Variants in PUDP observed in about 807,000 individuals in gnomAD.
The protein encoded by PUDP is pseudouridine 5'-phosphatase.
Under a neutral mutation model 9.4 loss-of-function variants are expected in PUDP, and 8 were observed. That is an observed-to-expected ratio of 0.85 (90% CI 0.50 to 1.53). PUDP has a LOEUF of 1.53. Ranked by LOEUF, PUDP falls within the 40% of genes most tolerant of loss-of-function variation. PUDP has a pLI of 0.00. For synonymous variants in PUDP, 99 were observed against 80.7 expected (o/e 1.23, Z -1.22); for missense variants, 188 against 189.7 (o/e 0.99, Z 0.05).
At chrX:6,761,571 A>G (rs1338392056) in intron 3 of PUDP, among the ~76,000 whole-genome samples, 1 of 112,270 alleles carries the variant, frequency 8.9e-6, no homozygotes, top group Non-Finnish European at 1.9e-5. Context: ...CTAGTCTTTA[A>G]AACAGTGCCC....
chrX:7,042,158 T>C (rs1929931427), intron 1 of PUDP, among the ~76,000 whole-genome samples: 1 of 109,370 alleles, frequency 9.1e-6, no homozygotes, highest in African/African-American at 3.3e-5. Flanking sequence ...CCCCTAAAGA[T>C]GTATATCTTC....
At chrX:6,739,174 A>G (rs1239767327) in intron 3 of PUDP, among the ~76,000 whole-genome samples, 1 of 111,778 alleles carries the variant, frequency 8.9e-6, no homozygotes, top group Non-Finnish European at 1.9e-5. Flanking sequence ...GTTGCGGTTG[A>G]ACACCAATGT....
chrX:6,742,966 A>G (rs911750650), intron 3 of PUDP, among the ~76,000 whole-genome samples: 1 of 112,020 alleles, frequency 8.9e-6, no homozygotes, highest in Non-Finnish European at 1.9e-5. Flanking sequence ...TAGGAAAATA[A>G]AAAGCCCCCT....
rs1421058956 is a variant in PUDP at position 6,861,848 on chromosome X, GA to G, written c.*247+115284del. On this transcript the variant is annotated intron_variant and NMD_transcript_variant, in intron 3 of 3. Transcript: ENST00000655425. ...CTTGGAAACACACCCCCACCCCAGGGAAGGAGGCATTTGACCTCCGACTCCC... is the reference window on the plus strand; with the variant it reads ...CTTGGAAACACACCCCCACCCCAGGGAGGAGGCATTTGACCTCCGACTCCC... Among the ~76,000 whole-genome samples the G allele has an allele frequency of 2.7e-5, 3 of 111,615 alleles. No individual in the cohort carries two copies. In the Admixed American group the frequency reaches 2.9e-4, roughly 11 times the overall value.
chrX:6,850,598 G>T (rs1926812608), intron 3 of PUDP, among the ~76,000 whole-genome samples: 1 of 112,297 alleles, frequency 8.9e-6, no homozygotes, highest in African/African-American at 3.2e-5. Context: ...TGGGAATACT[G>T]GTGGTGTTAG....
chrX:7,084,449 T>C (rs1332947118), intron 2 of PUDP, among the ~76,000 whole-genome samples: 4 of 112,064 alleles, frequency 3.6e-5, no homozygotes, highest in African/African-American at 1.3e-4. Context: ...CAGCATGGAA[T>C]AGAAAGTGAT....
intron 1 of PUDP, among the ~76,000 whole-genome samples, chrX:6,712,371 A>G (rs186603909): frequency 9.0e-6 from 1 of 111,552 alleles, no homozygotes; most frequent in Non-Finnish European, 1.9e-5. Flanking sequence ...GAATGTCTCC[A>G]ACTCCGGACC....
intron 3 of PUDP, among the ~76,000 whole-genome samples, chrX:7,064,209 C>T (rs1333909559): frequency 9.0e-6 from 1 of 111,483 alleles, no homozygotes; most frequent in Non-Finnish European, 1.9e-5. Flanking sequence ...GATGGAAGAG[C>T]CCACTCTCTA....
chrX:7,114,710 C>A (rs1219356206), intron 1 of PUDP, among the ~76,000 whole-genome samples: 1 of 111,829 alleles, frequency 8.9e-6, no homozygotes, highest in African/African-American at 3.3e-5. Flanking sequence ...GGGCCACTGA[C>A]CTGGCATTAT....
chrX:6,829,575 A>G lies in PUDP; in HGVS notation c.*248-123109T>C, dbSNP rs764445235. Among the ~76,000 whole-genome samples, 93 of 111,657 alleles carry G rather than the reference A, an allele frequency of 8.3e-4. 1 individual carries two copies. The highest frequency in any genetic ancestry group is 4.6e-3 in the Middle Eastern group (1 of 218). On this transcript the variant is annotated intron_variant and NMD_transcript_variant, in intron 3 of 3. Transcript: ENST00000655425. ...TGTTCTGCATTTTGCCCATTCTAGC[A>G]AGTGTGGTATGTAGTGGTTTCCTGT... is the stretch of plus-strand genomic sequence containing the variant.
At chrX:6,946,971 G>GT (rs58707505) in intron 3 of PUDP, among the ~76,000 whole-genome samples, 3,326 of 82,704 alleles carry the variant, frequency 0.04, 141 homozygotes, top group African/African-American at 0.13. Flanking sequence ...TATATTGTCT[G>GT]TTTTTTTTTG....
chrX:7,072,982 C>T (rs1405491404), intron 3 of PUDP, among the ~76,000 whole-genome samples: 1 of 111,244 alleles, frequency 9.0e-6, no homozygotes, highest in African/African-American at 3.3e-5. Flanking sequence ...AGCTTGGTCG[C>T]TCAAGTCCCC....
At chrX:6,827,830 C>G (rs1216002588) in intron 3 of PUDP, among the ~76,000 whole-genome samples, 1 of 112,041 alleles carries the variant, frequency 8.9e-6, no homozygotes, top group African/African-American at 3.2e-5. Context: ...CAATCTGATG[C>G]ACAGCTCAAA....
At chrX:6,982,195 G>A (rs1260404364) in intron 1 of PUDP, among the ~76,000 whole-genome samples, 2 of 111,687 alleles carry the variant, frequency 1.8e-5, no homozygotes, top group African/African-American at 6.5e-5. Flanking sequence ...GACACAATGT[G>A]TACACAGGTG....
chrX:6,950,869 G>A (rs1422600928), intron 3 of PUDP, among the ~76,000 whole-genome samples: 1 of 111,909 alleles, frequency 8.9e-6, no homozygotes, highest in Non-Finnish European at 1.9e-5. Context: ...GAAGGCCCGA[G>A]TAGAGCAAAA....
intron 3 of PUDP, among the ~76,000 whole-genome samples, chrX:6,835,739 GTC>G (rs1208869900): frequency 9.0e-6 from 1 of 111,520 alleles, no homozygotes; most frequent in Non-Finnish European, 1.9e-5. Flanking sequence ...TTAAGACAGA[GTC>G]TGGCTCTGTT....
At chrX:7,108,053 G>C (rs1295738443) in intron 1 of PUDP, among the ~76,000 whole-genome samples, 6 of 112,186 alleles carry the variant, frequency 5.3e-5, no homozygotes, top group Admixed American at 9.4e-5. Context: ...ACAAGGCCTG[G>C]GCAGTCAATC....
At chrX:7,041,636 A>T (rs1433190585) in intron 1 of PUDP, among the ~76,000 whole-genome samples, 1 of 111,654 alleles carries the variant, frequency 9.0e-6, no homozygotes, top group African/African-American at 3.3e-5. Context: ...AGAGACAAAT[A>T]CTTTTGCATG....
At chrX:7,102,463 A>C (rs1931768055) in intron 2 of PUDP, among the ~76,000 whole-genome samples, 1 of 110,807 alleles carries the variant, frequency 9.0e-6, no homozygotes. Context: ...ATATATGAGA[A>C]GTTCACAGCT....
Sources: allele counts gnomAD v4.1 joint callset (sites outside exome capture counted in the v4.1 genomes callset), GRCh38; gene constraint gnomAD v4.1.1; transcripts MANE v1.5; gene names NCBI Gene and HGNC (gene_info 2026-07-23, HGNC 2026-07-21).